The following CLBA1 variants were observed in gnomAD, a reference collection of about 807,000 sequenced individuals.
CLBA1 encodes the protein uncharacterized protein CLBA1.
Under a neutral mutation model 28.8 loss-of-function variants are expected in CLBA1, and 30 were observed. The ratio of observed to expected loss-of-function variants is 1.04; its 90% CI spans 0.78 to 1.41. CLBA1 has a LOEUF of 1.41. CLBA1 is among the 40% of genes most tolerant of loss of function. CLBA1 has a pLI of 0.00. For synonymous variants in CLBA1, 160 were observed against 152.8 expected (o/e 1.05, Z -0.35); for missense variants, 451 against 412.3 (o/e 1.09, Z -0.81).
chr14:104,995,140 T>C lies in CLBA1; in HGVS notation c.*381T>C. 1 of 994,706 alleles carries C rather than the reference T, an allele frequency of 1.0e-6. No homozygotes were observed. The highest frequency in any genetic ancestry group is 1.2e-6 in the Non-Finnish European group (1 of 836,336). The allele number at this position is 994,706 out of a possible 1,614,324, so 61.6% of individuals were successfully genotyped here. ...GCAACTTGTGGCCAAATCCATGAGT[T>C]CAGAGGAAAAGGGGAAGGCACTGAA... is the stretch of plus-strand genomic sequence containing the variant. On this transcript the variant is annotated 3_prime_UTR_variant, in exon 5 of 5. Transcript: ENST00000547315.
downstream of CLBA1, among the ~76,000 whole-genome samples, chr14:104,998,727 G>A (rs1219298566): frequency 2.0e-5 from 3 of 152,254 alleles, no homozygotes; most frequent in Admixed American, 2.0e-4. Context: ...TTCACAGTGA[G>A]TGTGGCTATA....
At chr14:104,999,095 AG>A, downstream of CLBA1, 2 of 479,870 alleles carry the variant, frequency 4.2e-6, no homozygotes, top group Non-Finnish European at 5.4e-6. Flanking sequence ...CACAGATGCC[AG>A]GCTTGCATTG....
downstream of CLBA1, among the ~76,000 whole-genome samples, chr14:104,997,774 T>G (rs922530108): frequency 6.6e-6 from 1 of 151,950 alleles, no homozygotes; most frequent in Non-Finnish European, 1.5e-5. Context: ...TTTGGGAGGC[T>G]GATGCAGGTG....
chr14:104,985,884 T>TGCGGGGCCCGGGCCCGGGCCCAGAACAC lies in CLBA1; in HGVS notation c.-542_-541insCCCGGGCCCGGGCCCAGAACACGCGGGG. ...CCGCCGAGGCGGCGACCAAGGTGGG[T>TGCGGGGCCCGGGCCCGGGCCCAGAACAC]GCGGGGACTCTCGGGAGCCGTGGGC... On this transcript the variant is annotated 5_prime_UTR_variant, in exon 1 of 5. Transcript: ENST00000547315. The TGCGGGGCCCGGGCCCGGGCCCAGAACAC allele has an allele frequency of 4.5e-6, 1 of 223,078 alleles. No homozygotes were observed. Among genetic ancestry groups the TGCGGGGCCCGGGCCCGGGCCCAGAACAC allele is most frequent in the South Asian group, 3.7e-5 (1 of 27,196 alleles). 13.8% of individuals were successfully genotyped at this position (223,078 alleles called of 1,614,324 possible).
chr14:104,986,369 C>A lies in CLBA1; in HGVS notation c.-63C>A. 1 of 1,543,440 alleles carries A rather than the reference C, an allele frequency of 6.5e-7. No individual in the cohort carries two copies. The highest frequency in any genetic ancestry group is 1.8e-5 in the Admixed American group (1 of 54,292). On this transcript the variant is annotated 5_prime_UTR_variant, in exon 1 of 5. Transcript: ENST00000547315. ...GTTGGGCAGTCCTGGGCGGCCAGCA[C>A]CCCGGCGTGCATGTCTCCTGAGCAG...
intron 2 of CLBA1, chr14:104,989,790 G>A (rs765679695): frequency 2.9e-4 from 125 of 434,748 alleles, no homozygotes; most frequent in Non-Finnish European, 4.8e-4. Flanking sequence ...TGTGGTCTGC[G>A]GAGTGGGTCT....
chr14:104,999,456 G>A (rs1165566142), downstream of CLBA1: 1 of 156,632 alleles, frequency 6.4e-6, no homozygotes, highest in East Asian at 1.9e-4. Flanking sequence ...AGATGCCCAA[G>A]GACCCAGCTG....
At chr14:104,993,662 G>A in intron 4 of CLBA1, 1 of 985,426 alleles carries the variant, frequency 1.0e-6, no homozygotes, top group Non-Finnish European at 1.2e-6. Context: ...AAGCTTTTCT[G>A]GGCTGGAGTC....
intron 3 of CLBA1, among the ~76,000 whole-genome samples, chr14:104,992,128 C>T (rs1016937513): frequency 4.0e-5 from 6 of 148,234 alleles, no homozygotes; most frequent in African/African-American, 7.5e-5. Flanking sequence ...CACGCCACCA[C>T]GCACACGCCG....
chr14:104,985,889 G>C lies in CLBA1; in HGVS notation c.-543G>C. The C allele has an allele frequency of 8.9e-6, 2 of 225,368 alleles. No individual in the cohort carries two copies. The highest frequency in any genetic ancestry group is 7.2e-5 in the South Asian group (2 of 27,686). The allele number at this position is 225,368 out of a possible 1,614,324, so 14.0% of individuals were successfully genotyped here. A position where few individuals can be genotyped will look rare whatever the true frequency, so the allele number is the denominator to read the frequency against. On this transcript the variant is annotated 5_prime_UTR_variant, in exon 1 of 5. Coordinates refer to ENST00000547315, the MANE Select transcript of CLBA1 (RefSeq NM_174891.4). ...GAGGCGGCGACCAAGGTGGGTGCGG[G>C]GACTCTCGGGAGCCGTGGGCCAGGC...
chr14:104,995,915 T>C (rs574058757), downstream of CLBA1, among the ~76,000 whole-genome samples: 4 of 152,362 alleles, frequency 2.6e-5, no homozygotes, highest in African/African-American at 9.6e-5. Context: ...ACTGTTTTTC[T>C]AACACACAGC....
intron 2 of CLBA1, chr14:104,989,771 G>A (rs1222393531): frequency 4.5e-6 from 2 of 446,760 alleles, no homozygotes; most frequent in African/African-American, 2.0e-5. Flanking sequence ...TAGCTTCCCT[G>A]TCCCTCGGTG....
intron 2 of CLBA1, chr14:104,989,937 C>G: frequency 3.0e-6 from 1 of 330,830 alleles, no homozygotes; most frequent in Non-Finnish European, 6.1e-6. Context: ...GGGGTCCAAC[C>G]AGCACCTGCC....
chr14:104,986,130 C>T lies in CLBA1; in HGVS notation c.-302C>T, dbSNP rs542031687. On this transcript the variant is annotated 5_prime_UTR_variant, in exon 1 of 5. Coordinates refer to ENST00000547315, the MANE Select transcript of CLBA1 (RefSeq NM_174891.4). ...CCAGAGCAGGAGCCCCACCTTGGGC[C>T]GCCCCTCTCACACCTGCCGTGGGTC... The T allele has an allele frequency of 4.2e-5, 19 of 452,490 alleles. No homozygotes were observed. The highest frequency in any genetic ancestry group is 6.5e-5 in the Non-Finnish European group (16 of 244,460). The allele number at this position is 452,490 out of a possible 1,614,324, so 28.0% of individuals were successfully genotyped here. A position where few individuals can be genotyped will look rare whatever the true frequency, so the allele number is the denominator to read the frequency against.
downstream of CLBA1, among the ~76,000 whole-genome samples, chr14:104,998,002 C>G (rs1459601258): frequency 6.6e-6 from 1 of 150,818 alleles, no homozygotes; most frequent in Non-Finnish European, 1.5e-5. Flanking sequence ...GAGTGAGACT[C>G]TATCTCAAAA....
In CLBA1 at chr14:104,994,522, G is replaced by A. The variant is rs1900119642; in HGVS notation, c.817-76G>A. The A allele has an allele frequency of 6.6e-6, 10 of 1,509,828 alleles. No individual in the cohort carries two copies. The South Asian group carries it at 1.0e-4, about 16-fold the overall frequency. The allele number at this position is 1,509,828 out of a possible 1,614,324, so 93.5% of individuals were successfully genotyped here. Reference sequence around the variant, plus strand: ...CTAGGGGGCCGAGAGGCAGGGGGCGGCCAGGGGCAAACGCCCAAGCTAGCG... The same window carrying A: ...CTAGGGGGCCGAGAGGCAGGGGGCGACCAGGGGCAAACGCCCAAGCTAGCG... On this transcript the variant is annotated intron_variant, in intron 4 of 4. Transcript: ENST00000547315.
chr14:104,989,415 T>C, intron 2 of CLBA1: 1 of 392,348 alleles, frequency 2.5e-6, no homozygotes, highest in South Asian at 2.0e-5. Flanking sequence ...CTGGTGGGCC[T>C]GGGCAGTGGG....
downstream of CLBA1, chr14:104,999,236 G>A (rs1900222193): frequency 2.0e-6 from 2 of 985,348 alleles, no homozygotes; most frequent in Non-Finnish European, 1.2e-6. Context: ...CTGAAGGAAC[G>A]TGACCATCAC....
In CLBA1 at chr14:104,986,540, G is replaced by T; in HGVS notation, c.109G>T (p.Glu37Ter). Residue 37 changes from glutamate to a stop codon, truncating the protein, a stop_gained, in exon 1 of 5, where the codon GAA becomes TAA. Coordinates refer to ENST00000547315, the MANE Select transcript of CLBA1 (RefSeq NM_174891.4). LOFTEE classifies it high-confidence loss of function. ...APERLSDDSL[E>*]WRRTCPDLLL... ...TGAGAGGCTGAGTGATGACAGTTTG[G>T]AATGGAGACGGACCTGCCCCGACCT... is the stretch of plus-strand genomic sequence containing the variant. 1 of 1,613,994 alleles carries T rather than the reference G, an allele frequency of 6.2e-7. No homozygotes were observed.
Sources: gnomAD v4.1 joint callset for allele counts (sites outside exome capture counted in the v4.1 genomes callset) on GRCh38, gnomAD v4.1.1 for gene constraint, MANE v1.5 for transcripts, NCBI Gene and HGNC (gene_info 2026-07-23, HGNC 2026-07-21) for gene names.